Variants in PLXNB2 observed in about 807,000 individuals in gnomAD.
The protein encoded by PLXNB2 is plexin-B2.
A neutral mutation model predicts 202.6 loss-of-function variants in PLXNB2; 85 were observed. The ratio of observed to expected loss-of-function variants is 0.42; its 90% CI spans 0.35 to 0.50. The LOEUF is 0.50. Ranked by LOEUF, PLXNB2 falls within the 20% of genes least tolerant of loss-of-function variation. The pLI, the probability that PLXNB2 is intolerant of heterozygous loss-of-function variation, is 0.02. For synonymous variants in PLXNB2, 1,239 were observed against 1,137.6 expected, an observed-to-expected ratio of 1.09 and a Z score of -1.79; for missense variants, 2,063 against 2,586.2, an observed-to-expected ratio of 0.80 and a Z score of 4.39.
Position 50,280,878 on chromosome 22 carries a change from G to T in PLXNB2, c.3859C>A (p.Leu1287Met). Residue 1287 changes from leucine (L) to methionine (M), a missense_variant, in exon 24 of 37, where the codon CTG becomes ATG. Leu to Met is a conservative substitution (Grantham distance 15). Coordinates refer to ENST00000359337, the MANE Select transcript of PLXNB2 (RefSeq NM_012401.4). ...YKTYTDRVFF[L>M]PSKDGDKDVM... The stretch of plus-strand genomic sequence containing the variant: ...TCCTTGTCGCCGTCCTTGGAGGGCA[G>T]GAAGAAGACGCGGTCGGTGTAGGTC... 3.7e-6 allele frequency: 6 copies of T among 1,613,620 alleles called. No individual in the cohort carries two copies. Among genetic ancestry groups the T allele is most frequent in the Non-Finnish European group, 4.2e-6 (5 of 1,179,972 alleles).
chr22:50,288,783 G>A lies in PLXNB2; in HGVS notation c.1340C>T (p.Ser447Phe). Residue 447 changes from serine to phenylalanine, a missense_variant, in exon 5 of 37, where the codon TCT becomes TTT. This residue lies in a region of PLXNB2 where 1,303 missense variants were observed against 1,476.8 expected (regional missense o/e 0.88). Transcript: ENST00000359337. The surrounding 1 kb of genome is among the most constrained non-coding windows in gnomAD (Gnocchi z 5.0). ...NKRVKRDLVL[S>F]GDLGSLYAMT... ...GGCGTACAGGCTGCCCAGGTCTCCA[G>A]ACAGTACCAGGTCGCGCTTGACTCT... 1 of 1,613,130 alleles carries A rather than the reference G, an allele frequency of 6.2e-7. No individual in the cohort carries two copies. The highest frequency in any genetic ancestry group is 2.2e-5 in the East Asian group (1 of 44,882).
intron 1 of PLXNB2, among the ~76,000 whole-genome samples, chr22:50,305,171 G>A (rs894195165): frequency 6.6e-6 from 1 of 152,370 alleles, no homozygotes; most frequent in South Asian, 2.1e-4. Context: ...CATCAGCTGT[G>A]GCTGGCACAG....
In PLXNB2 at chr22:50,281,628, C is replaced by A. The variant is rs777426414; in HGVS notation, c.3460G>T (p.Val1154Leu). 1.9e-6 allele frequency: 3 copies of A among 1,607,170 alleles called. No individual in the cohort carries two copies. The highest frequency in any genetic ancestry group is 2.5e-6 in the Non-Finnish European group (3 of 1,176,538). ...ETDLYCEPPE[V>L]QPPPKRRQKR... is the part of the protein sequence containing the mutation. ...TGCCGCCGCTTGGGCGGGGGCTGCA[C>A]CTCCGGGGGCTCACAGTACAGGTCG... Residue 1154 changes from valine (V) to leucine (L), a missense_variant, in exon 21 of 37, where the codon GTG becomes TTG. Physicochemically the swap from Val to Leu is conservative, Grantham distance 32. Coordinates refer to ENST00000359337, the MANE Select transcript of PLXNB2 (RefSeq NM_012401.4).
In PLXNB2 at chr22:50,289,023, C is replaced by G; in HGVS notation, c.1188G>C (p.Thr396=). 1 of 1,610,040 alleles carries G rather than the reference C, an allele frequency of 6.2e-7. No homozygotes were observed. The highest frequency in any genetic ancestry group is 1.1e-5 in the South Asian group (1 of 91,016). ...CAGTGTGGTTGTTCTCGGCGGCGAC[C>G]GTCACGGCCGTGAGGTTCAGGCCTC... ...QRGGLNLTAV[T]VAAENNHTVA... The change falls in exon 4 of 37, where the codon ACG becomes ACC. Residue 396 remains threonine, a synonymous_variant. Transcript: ENST00000359337. This position sits in a 1 kb window ranked among gnomAD's most constrained non-coding sequence, Gnocchi z 8.0.
intron 1 of PLXNB2, 55 bp downstream of exon 1, chr22:50,307,487 TGACGGCGAAGC>T: frequency 1.1e-6 from 1 of 880,692 alleles, no homozygotes; most frequent in East Asian, 1.2e-4. Context: ...GGAGCGGCGC[TGACGGCGAAGC>T]CCCCCCCACG....
At chr22:50,300,529 C>A (rs903116513) in intron 1 of PLXNB2, among the ~76,000 whole-genome samples, 3 of 152,172 alleles carry the variant, frequency 2.0e-5, no homozygotes, top group Non-Finnish European at 2.9e-5. Flanking sequence ...CCCGGCACAA[C>A]CCGACCTAGG....
chr22:50,307,272 G>A (rs1372212452), intron 1 of PLXNB2, among the ~76,000 whole-genome samples: 1 of 152,100 alleles, frequency 6.6e-6, no homozygotes, highest in Admixed American at 6.5e-5. Context: ...AGAGGCAGGC[G>A]CGGAGGAGGG....
At chr22:50,276,028 A>C (rs1382956536) in intron 35 of PLXNB2, 65 bp from the exon 36 acceptor site, 5 of 1,485,830 alleles carry the variant, frequency 3.4e-6, no homozygotes, top group Non-Finnish European at 4.7e-6. Flanking sequence ...TGGCAGGAGT[A>C]GTACGGGACG....
intron 2 of PLXNB2, among the ~76,000 whole-genome samples, chr22:50,294,249 C>A (rs1273978848): frequency 6.6e-6 from 1 of 152,266 alleles, no homozygotes; most frequent in African/African-American, 2.4e-5. Flanking sequence ...TTCCTCCTGG[C>A]TGAAGCTCGG....
chr22:50,275,310 GGGGGCCACAGGCCCTCAGATCCCCCA>G lies in PLXNB2; in HGVS notation c.*368_*393del, dbSNP rs1254000719. On this transcript the variant is annotated 3_prime_UTR_variant, in exon 37 of 37. Transcript: ENST00000359337. Reference sequence around the variant, plus strand: ...GACATAGGATCTGGGAACTTGCCCTGGGGGCCACAGGCCCTCAGATCCCCCAGGGGCCCAACCTAGGGCATGGAGGC... The same window carrying G: ...GACATAGGATCTGGGAACTTGCCCTGGGGGCCCAACCTAGGGCATGGAGGC... The G allele has an allele frequency of 9.1e-6, 4 of 438,178 alleles. No homozygotes were observed. The highest frequency in any genetic ancestry group is 1.4e-4 in the East Asian group (2 of 14,236). 27.1% of individuals were successfully genotyped at this position (438,178 alleles called of 1,614,324 possible). A position where few individuals can be genotyped will look rare whatever the true frequency, so the allele number is the denominator to read the frequency against.
intron 1 of PLXNB2, among the ~76,000 whole-genome samples, chr22:50,307,114 G>A (rs899029752): frequency 2.6e-5 from 4 of 152,120 alleles, no homozygotes; most frequent in Non-Finnish European, 5.9e-5. Context: ...GTCCCCCCGC[G>A]CCAAGCAGGC....
Position 50,281,505 on chromosome 22 carries a change from T to A in PLXNB2, c.3523-6A>T. Reference sequence around the variant, plus strand: ...TCGCGAGAGCCGAACTTCACCTGTGTGGGGGGCCGGGTTCAGCGCGGTCCC... The same window carrying A: ...TCGCGAGAGCCGAACTTCACCTGTGAGGGGGGCCGGGTTCAGCGCGGTCCC... On this transcript the variant is annotated splice_region_variant and splice_polypyrimidine_tract_variant and intron_variant, in intron 21 of 36. Coordinates refer to ENST00000359337, the MANE Select transcript of PLXNB2 (RefSeq NM_012401.4). The A allele has an allele frequency of 6.2e-7, 1 of 1,610,612 alleles. No homozygotes were observed. Among genetic ancestry groups the A allele is most frequent in the Non-Finnish European group, 8.5e-7 (1 of 1,179,018 alleles).
intron 1 of PLXNB2, among the ~76,000 whole-genome samples, chr22:50,295,470 T>C (rs2067195324): frequency 6.6e-6 from 1 of 152,150 alleles, no homozygotes; most frequent in Non-Finnish European, 1.5e-5. Flanking sequence ...CCCCAGAGGT[T>C]TACAAGGACT....
rs527285140 is a variant in PLXNB2, at chr22:50,284,871, C to T, written c.2089-206G>A. ...TGTGTCTGCAGAAGCCTCTGAACGTCCTCTGTGGGTTTCCCACGGCCACCT... is the reference window on the plus strand; with the variant it reads ...TGTGTCTGCAGAAGCCTCTGAACGTTCTCTGTGGGTTTCCCACGGCCACCT... On this transcript the variant is annotated intron_variant, in intron 11 of 36. Transcript: ENST00000359337. This position sits in a 1 kb window ranked among gnomAD's most constrained non-coding sequence, Gnocchi z 8.0. The T allele has an allele frequency of 3.0e-5, 21 of 691,462 alleles. No individual in the cohort carries two copies. Among genetic ancestry groups the T allele is most frequent in the Middle Eastern group, 2.4e-4 (1 of 4,194 alleles). 42.8% of individuals were successfully genotyped at this position (691,462 alleles called of 1,614,324 possible).
intron 1 of PLXNB2, chr22:50,301,405 C>G: frequency 2.4e-6 from 2 of 841,902 alleles, no homozygotes; most frequent in South Asian, 1.1e-4. Context: ...GCCAGGCGCT[C>G]GGGGCACACG....
At chr22:50,294,095 C>A (rs1039175618) in intron 2 of PLXNB2, among the ~76,000 whole-genome samples, 1 of 152,206 alleles carries the variant, frequency 6.6e-6, no homozygotes, top group Non-Finnish European at 1.5e-5. Flanking sequence ...GCGCAGGAGG[C>A]GCCAGGCACA....
rs997876794 is a variant in PLXNB2 at position 50,284,312 on chromosome 22, C to T, written c.2182-99G>A. On this transcript the variant is annotated intron_variant, in intron 12 of 36. Coordinates refer to ENST00000359337, the MANE Select transcript of PLXNB2 (RefSeq NM_012401.4). This position sits in a 1 kb window ranked among gnomAD's most constrained non-coding sequence, Gnocchi z 8.0. ...CCTCCCTGTGGCCACCGGGTCCCTT[C>T]CCAGCCAAGGGCAGCAGGGGAGGCC... is the stretch of plus-strand genomic sequence containing the variant. 3 of 1,167,884 alleles carry T rather than the reference C, an allele frequency of 2.6e-6. No homozygotes were observed. The highest frequency in any genetic ancestry group is 3.8e-6 in the Non-Finnish European group (3 of 785,280). 72.3% of individuals were successfully genotyped at this position (1,167,884 alleles called of 1,614,324 possible). A position where few individuals can be genotyped will look rare whatever the true frequency, so the allele number is the denominator to read the frequency against.
Position 50,276,914 on chromosome 22 carries a change from G to A in PLXNB2, c.5197-8C>T, listed in dbSNP as rs1413785165. On this transcript the variant is annotated splice_polypyrimidine_tract_variant and splice_region_variant and intron_variant, in intron 33 of 36. Coordinates refer to ENST00000359337, the MANE Select transcript of PLXNB2 (RefSeq NM_012401.4). ...CTTGTTGCTGGGAGAATCCTGTTGG[G>A]GACAAAACCCAGTGATGCCTGGCCA... 1 of 1,592,638 alleles carries A rather than the reference G, an allele frequency of 6.3e-7. No individual in the cohort carries two copies. Among genetic ancestry groups the A allele is most frequent in the African/African-American group, 1.3e-5 (1 of 74,800 alleles).
Position 50,297,938 on chromosome 22 carries a change from G to A in PLXNB2, c.-73-3160C>T, listed in dbSNP as rs1420970602. Among the ~76,000 whole-genome samples, 4 of 152,078 alleles carry A rather than the reference G, an allele frequency of 2.6e-5. No individual in the cohort carries two copies. The highest frequency in any genetic ancestry group is 2.0e-4 in the Admixed American group (3 of 15,274). On this transcript the variant is annotated intron_variant, in intron 1 of 36. Transcript: ENST00000359337. The surrounding 1 kb of genome is among the most constrained non-coding windows in gnomAD (Gnocchi z 5.3). ...GAACGCTGCCTCACGACATTCCCACGTCCATGTTCACTGTGCTCCCTGGAA... is the reference window on the plus strand; with the variant it reads ...GAACGCTGCCTCACGACATTCCCACATCCATGTTCACTGTGCTCCCTGGAA...
Sources: gnomAD v4.1 joint callset for allele counts (sites outside exome capture counted in the v4.1 genomes callset) on GRCh38, gnomAD v4.1.1 for gene constraint, gnomAD v4.1.1 regional missense constraint, Gnocchi (gnomAD v3.1) non-coding constraint, MANE v1.5 for transcripts, NCBI Gene and HGNC (gene_info 2026-07-23, HGNC 2026-07-21) for gene names.